The following PLA2G4A variants were observed in gnomAD, a reference collection of about 807,000 sequenced individuals.
PLA2G4A encodes phospholipase A2 group IVA.
Under a neutral mutation model 81.9 loss-of-function variants are expected in PLA2G4A, and 40 were observed. The observed-to-expected ratio is 0.49, with a 90% CI of 0.38 to 0.64. The LOEUF is 0.64. PLA2G4A is among the 30% of genes least tolerant of loss of function. The probability of loss-of-function intolerance (pLI) is 0.00; values close to 1 mark genes in which losing one functional copy is unlikely to be tolerated. For missense variants in PLA2G4A, 715 were observed against 905.1 expected (o/e 0.79, Z 2.69); for synonymous variants, 302 against 296.9 (o/e 1.02, Z -0.18).
At chr1:186,917,332 G>A (rs1655176323) in intron 7 of PLA2G4A, among the ~76,000 whole-genome samples, 1 of 152,134 alleles carries the variant, frequency 6.6e-6, no homozygotes, top group African/African-American at 2.4e-5. Flanking sequence ...GGAAGTGCCT[G>A]GAAGCTCTCC....
Position 186,988,382 on chromosome 1 carries a change from A to C in PLA2G4A, c.2124A>C (p.Ile708=). Reference sequence around the variant, plus strand: ...ACTTCTGTCTCTATTTGCAGGTGATAAAAGAAGCCATGGTTGAAAGCATTG... The same window carrying C: ...ACTTCTGTCTCTATTTGCAGGTGATCAAAGAAGCCATGGTTGAAAGCATTG... ...HFNTLNNIDV[I]KEAMVESIEY... The change falls in exon 18 of 18, where the codon ATA becomes ATC. Residue 708 remains isoleucine (I), a synonymous_variant. Transcript: ENST00000367466. 6.2e-7 allele frequency: 1 copy of C among 1,610,922 alleles called. No homozygotes were observed. Among genetic ancestry groups the C allele is most frequent in the Non-Finnish European group, 8.5e-7 (1 of 1,177,444 alleles).
chr1:186,974,054 ATG>A (rs900349403), intron 15 of PLA2G4A, among the ~76,000 whole-genome samples: 33 of 150,882 alleles, frequency 2.2e-4, no homozygotes, highest in Non-Finnish European at 2.4e-4. Flanking sequence ...TTATGTATAT[ATG>A]TATGTGTGTT....
intron 1 of PLA2G4A, among the ~76,000 whole-genome samples, chr1:186,835,973 A>AT (rs1223222833): frequency 6.6e-6 from 1 of 152,006 alleles, no homozygotes; most frequent in Non-Finnish European, 1.5e-5. Context: ...ATTTACATGC[A>AT]TTTTTTCCCT....
At chr1:186,876,124 G>A (rs1388346009) in intron 3 of PLA2G4A, among the ~76,000 whole-genome samples, 4 of 152,140 alleles carry the variant, frequency 2.6e-5, no homozygotes, top group Admixed American at 2.6e-4. Context: ...TCTAGGATGA[G>A]TCAGCAACAG....
At chr1:186,887,278 T>C (rs1161048749) in intron 3 of PLA2G4A, among the ~76,000 whole-genome samples, 2 of 152,048 alleles carry the variant, frequency 1.3e-5, no homozygotes, top group Non-Finnish European at 2.9e-5. Context: ...GAAGGGGAAA[T>C]AGGCAAATAG....
intron 17 of PLA2G4A, among the ~76,000 whole-genome samples, chr1:186,981,850 G>A (rs759408942): frequency 4.0e-5 from 6 of 151,310 alleles, no homozygotes; most frequent in East Asian, 2.0e-4. Context: ...GAAAGAAAGC[G>A]AAGTTAGAAG....
chr1:186,913,299 A>C (rs1449036818), intron 7 of PLA2G4A, among the ~76,000 whole-genome samples: 2 of 151,998 alleles, frequency 1.3e-5, no homozygotes, highest in Non-Finnish European at 2.9e-5. Context: ...AAATCCTTCA[A>C]TTATAGTTTT....
chr1:186,841,636 T>C (rs1651984568), intron 1 of PLA2G4A, among the ~76,000 whole-genome samples: 1 of 152,180 alleles, frequency 6.6e-6, no homozygotes, highest in Admixed American at 6.5e-5. Flanking sequence ...TTCTCCAAAA[T>C]TTCTTGACCT....
At chr1:186,987,394 T>G (rs1257467289) in intron 17 of PLA2G4A, among the ~76,000 whole-genome samples, 1 of 152,254 alleles carries the variant, frequency 6.6e-6, no homozygotes, top group Non-Finnish European at 1.5e-5. Context: ...GGACTGTACC[T>G]TAATGTTGCT....
At position 186,950,738 on chromosome 1, in the gene PLA2G4A, C is replaced by A. The variant is rs769944300; in HGVS notation, c.1336+10C>A. On this transcript the variant is annotated intron_variant, in intron 13 of 17. Transcript: ENST00000367466. ...TCACACGAACCCAAAGGTGAGTGAG[C>A]CGGAAACTTTTCTGGCCCAGATCCA... 7 of 1,539,780 alleles carry A rather than the reference C, an allele frequency of 4.5e-6. No homozygotes were observed. Among genetic ancestry groups the A allele is most frequent in the Non-Finnish European group, 5.4e-6 (6 of 1,112,600 alleles).
intron 2 of PLA2G4A, among the ~76,000 whole-genome samples, chr1:186,864,608 A>C (rs1652945142): frequency 6.6e-6 from 1 of 151,352 alleles, no homozygotes; most frequent in African/African-American, 2.4e-5. Flanking sequence ...TCTTTTGAGA[A>C]ATGTCTATTT....
chr1:186,877,103 T>G (rs1000403336), intron 3 of PLA2G4A, among the ~76,000 whole-genome samples: 3 of 152,088 alleles, frequency 2.0e-5, no homozygotes, highest in African/African-American at 7.2e-5. Context: ...TAAGAGCATG[T>G]AGGAATCAAT....
In PLA2G4A at chr1:186,893,152, T is replaced by C; in HGVS notation, c.257T>C (p.Val86Ala). The change falls in exon 4 of 18, where the codon GTT becomes GCT. Residue 86 changes from valine (V) to alanine (A), a missense_variant. Physicochemically the swap from Val to Ala is moderately conservative, Grantham distance 64. Coordinates refer to ENST00000367466, the MANE Select transcript of PLA2G4A (RefSeq NM_024420.3). Reference protein sequence around the residue: ...EFILDPNQENVLEITLMDANY... With the variant: ...EFILDPNQENALEITLMDANY... ...ATTTTGGATCCTAATCAGGAAAATGTTTTGGAGGTAAGTGAACCATTTGGA... is the reference window on the plus strand; with the variant it reads ...ATTTTGGATCCTAATCAGGAAAATGCTTTGGAGGTAAGTGAACCATTTGGA... The C allele has an allele frequency of 6.2e-7, 1 of 1,612,246 alleles. No homozygotes were observed. The highest frequency in any genetic ancestry group is 8.5e-7 in the Non-Finnish European group (1 of 1,178,378).
Position 186,939,164 on chromosome 1 carries a change from C to G in PLA2G4A, c.852C>G (p.Ser284Arg). The G allele has an allele frequency of 6.2e-7, 1 of 1,609,858 alleles. No homozygotes were observed. Among genetic ancestry groups the G allele is most frequent in the Non-Finnish European group, 8.5e-7 (1 of 1,176,304 alleles). The change falls in exon 9 of 18, where the codon AGC (serine) becomes AGG (arginine). Residue 284 changes from serine (S) to arginine (R), a missense_variant. Coordinates refer to ENST00000367466, the MANE Select transcript of PLA2G4A (RefSeq NM_024420.3). ...TTGAGTCTTTATGGAAGAAGAAAAG[C>G]TCTGGACAACCTGTCACCTTTACTG... ...RYVESLWKKKSSGQPVTFTDI... is the reference protein window; with the variant it reads ...RYVESLWKKKRSGQPVTFTDI...
At chr1:186,955,126 G>T (rs1253663267) in intron 13 of PLA2G4A, among the ~76,000 whole-genome samples, 1 of 152,122 alleles carries the variant, frequency 6.6e-6, no homozygotes, top group African/African-American at 2.4e-5. Flanking sequence ...CAGGAGTAAT[G>T]GTGTATGCAT....
At chr1:186,941,087 G>A (rs1314801822) in intron 10 of PLA2G4A, among the ~76,000 whole-genome samples, 2 of 150,288 alleles carry the variant, frequency 1.3e-5, no homozygotes, top group African/African-American at 2.5e-5. Context: ...CACTCCAGCC[G>A]GGGCCATAGA....
rs1046995568 is a variant in PLA2G4A, at chr1:186,836,765, C to T, written c.-70+7730C>T. ...GTACTGTGCTACATTTAGGGCATAC[C>T]TGGGTGAATAAAGCAGGTATAGTTC... On this transcript the variant is annotated intron_variant, in intron 1 of 17. Transcript: ENST00000367466. Among the ~76,000 whole-genome samples the T allele has an allele frequency of 2.0e-5, 3 of 152,158 alleles. No individual in the cohort carries two copies. The East Asian group carries it at 5.8e-4, about 29-fold the overall frequency.
Position 186,950,673 on chromosome 1 carries a change from G to A in PLA2G4A, c.1281G>A (p.Lys427=), listed in dbSNP as rs776855112. Residue 427 remains lysine (K), a synonymous_variant, in exon 13 of 18, where the codon AAG becomes AAA. Coordinates refer to ENST00000367466, the MANE Select transcript of PLA2G4A (RefSeq NM_024420.3). ...MEEELENITT[K]HIVSNDSSDS... is the part of the protein sequence containing the mutation. ...TTTTCACAGAAAATATTACCACAAA[G>A]CATATTGTGAGTAATGATAGCTCGG... 12 of 1,587,154 alleles carry A rather than the reference G, an allele frequency of 7.6e-6. No homozygotes were observed. Among genetic ancestry groups the A allele is most frequent in the Non-Finnish European group, 1.0e-5 (12 of 1,155,908 alleles).
In PLA2G4A at chr1:186,868,621, C is replaced by T. The variant is rs973653283; in HGVS notation, c.34-1814C>T. 5.9e-5 allele frequency among the ~76,000 whole-genome samples: 9 copies of T among 152,260 alleles called. No homozygotes were observed. In the South Asian group the frequency reaches 6.2e-4, roughly 11 times the overall value. On this transcript the variant is annotated intron_variant, in intron 2 of 17. Coordinates refer to ENST00000367466, the MANE Select transcript of PLA2G4A (RefSeq NM_024420.3). ...AGAATTGATATAGTTTCCTCTTAAA[C>T]ATGTGGTAGAATTTAACAGTGAAAC...
Sources: allele counts gnomAD v4.1 joint callset (sites outside exome capture counted in the v4.1 genomes callset), GRCh38; gene constraint gnomAD v4.1.1; transcripts MANE v1.5; gene names NCBI Gene and HGNC (gene_info 2026-07-23, HGNC 2026-07-21).